Variants in SEC11A observed in about 807,000 individuals in gnomAD.
SEC11A encodes the protein SEC11 homolog A, signal peptidase complex subunit.
SEC11A carries 14 observed loss-of-function variants against 25.6 expected under a neutral mutation model. That is an observed-to-expected ratio of 0.55 (90% CI 0.36 to 0.85). SEC11A has a LOEUF of 0.85. Ranked by LOEUF, SEC11A falls within the 40% of genes least tolerant of loss-of-function variation. The pLI, the probability that SEC11A is intolerant of heterozygous loss-of-function variation, is 0.01. For missense variants in SEC11A, 153 were observed against 222.9 expected, an observed-to-expected ratio of 0.69 and a Z score of 2.00; for synonymous variants, 83 against 76.4, an observed-to-expected ratio of 1.09 and a Z score of -0.45.
At chr15:84,685,689 G>A (rs1263911385) in intron 3 of SEC11A, among the ~76,000 whole-genome samples, 2 of 151,692 alleles carry the variant, frequency 1.3e-5, no homozygotes, top group Admixed American at 1.3e-4. Context: ...AGTTGGTTCA[G>A]CTTTGTTCAC....
chr15:84,698,024 G>T (rs1322617281), intron 1 of SEC11A, among the ~76,000 whole-genome samples: 1 of 152,032 alleles, frequency 6.6e-6, no homozygotes, highest in Non-Finnish European at 1.5e-5. Flanking sequence ...TTTTTAGGAA[G>T]TATTGTGTAG....
chr15:84,687,103 C>T (rs1424607314), intron 3 of SEC11A, among the ~76,000 whole-genome samples: 1 of 152,084 alleles, frequency 6.6e-6, no homozygotes, highest in Admixed American at 6.6e-5. Context: ...AACTCCTGAC[C>T]TCAGGTGATC....
chr15:84,671,473 A>G (rs941097964), intron 4 of SEC11A: 1 of 152,128 alleles, frequency 6.6e-6, no homozygotes, highest in Non-Finnish European at 1.5e-5. Context: ...TGGCTGCTAC[A>G]CTTTCTTTTC....
intron 1 of SEC11A, among the ~76,000 whole-genome samples, chr15:84,694,642 T>G (rs923763619): frequency 1.3e-5 from 2 of 152,100 alleles, no homozygotes; most frequent in Non-Finnish European, 2.9e-5. Flanking sequence ...ACTTTCATAC[T>G]AGGGTGTTAA....
intron 4 of SEC11A, among the ~76,000 whole-genome samples, chr15:84,674,385 G>C (rs989739154): frequency 6.6e-6 from 1 of 152,012 alleles, no homozygotes; most frequent in Admixed American, 6.6e-5. Flanking sequence ...AAAAGCATCT[G>C]TGATTTCTAC....
At chr15:84,696,508 T>C (rs1567040836) in intron 1 of SEC11A, among the ~76,000 whole-genome samples, 1 of 152,186 alleles carries the variant, frequency 6.6e-6, no homozygotes, top group Admixed American at 6.6e-5. Flanking sequence ...TGGGCCCTAA[T>C]TCAGAACCTC....
At chr15:84,680,112 A>G (rs1051845038) in intron 4 of SEC11A, 6 of 514,712 alleles carry the variant, frequency 1.2e-5, no homozygotes, top group Admixed American at 3.5e-5. Context: ...CTTCTTAAGA[A>G]ATATAAATAT....
chr15:84,682,851 T>C (rs1221396979), intron 3 of SEC11A, among the ~76,000 whole-genome samples: 1 of 152,242 alleles, frequency 6.6e-6, no homozygotes, highest in African/African-American at 2.4e-5. Context: ...AAGTATATTT[T>C]ACAGTTGATA....
intron 1 of SEC11A, among the ~76,000 whole-genome samples, chr15:84,693,067 C>A (rs1470278076): frequency 1.3e-5 from 2 of 152,160 alleles, no homozygotes; most frequent in East Asian, 3.8e-4. Context: ...AAGCAATCCG[C>A]CTACTTCAGC....
intron 1 of SEC11A, among the ~76,000 whole-genome samples, chr15:84,697,946 T>A (rs1897815617): frequency 6.6e-6 from 1 of 152,000 alleles, no homozygotes; most frequent in Non-Finnish European, 1.5e-5. Context: ...AAGAATGATA[T>A]CAAAGTTCTA....
At position 84,669,995 on chromosome 15, in the gene SEC11A, C is replaced by G. The variant is rs1204938767; in HGVS notation, c.*24G>C. 3 of 1,613,516 alleles carry G rather than the reference C, an allele frequency of 1.9e-6. No homozygotes were observed. The highest frequency in any genetic ancestry group is 2.5e-6 in the Non-Finnish European group (3 of 1,179,760). On this transcript the variant is annotated 3_prime_UTR_variant, in exon 6 of 6. Coordinates refer to ENST00000268220, the MANE Select transcript of SEC11A (RefSeq NM_014300.4). ...CCAGTAACGAAAACTATGGCATCTT[C>G]CCAGGAACAGCAAGGCAGGCTTCTT...
At chr15:84,683,054 C>G (rs1897320433) in intron 3 of SEC11A, among the ~76,000 whole-genome samples, 2 of 151,736 alleles carry the variant, frequency 1.3e-5, no homozygotes, top group South Asian at 4.2e-4. Flanking sequence ...TAAGTGCAAA[C>G]AGTCACATTA....
rs142349820 is a variant in SEC11A, at chr15:84,683,515, T to G, written c.312-2683A>C. On this transcript the variant is annotated intron_variant, in intron 3 of 5. Coordinates refer to ENST00000268220, the MANE Select transcript of SEC11A (RefSeq NM_014300.4). ...AAAGCATAGATATTCTTCATCTACT[T>G]AGTGAAACAAATATTCTCTGGTGGC... 2.0e-5 allele frequency among the ~76,000 whole-genome samples: 3 copies of G among 152,258 alleles called. No homozygotes were observed. The East Asian group carries it at 5.8e-4, about 29-fold the overall frequency.
intron 1 of SEC11A, among the ~76,000 whole-genome samples, chr15:84,711,781 CAAAA>C (rs60088964): frequency 1.4e-4 from 13 of 93,088 alleles, no homozygotes; most frequent in Admixed American, 3.3e-4. Context: ...GACTCTATCT[CAAAA>C]AAAAAAAAAA....
chr15:84,670,544 AT>A (rs745508199), intron 5 of SEC11A, 180 bp downstream of exon 5: 46,949 of 319,042 alleles, frequency 0.15, 1 homozygote, highest in East Asian at 0.19. Context: ...CAGGCTAATA[AT>A]TTTTTTTTTT....
intron 3 of SEC11A, 97 bp from the exon 4 acceptor site, chr15:84,680,929 G>A: frequency 1.9e-6 from 2 of 1,044,376 alleles, no homozygotes; most frequent in Non-Finnish European, 2.7e-6. Context: ...GTGGCACTGG[G>A]GTATCTTTTC....
Position 84,669,882 on chromosome 15 carries a change from T to TAAACTAATGCAAAC in SEC11A, c.*123_*136dup. Reference sequence around the variant, plus strand: ...CCACACAAACTCTGGCATGGAAACATAAACTAATGCAAACCAGTGCTACCC... The same window carrying TAAACTAATGCAAAC: ...CCACACAAACTCTGGCATGGAAACATAAACTAATGCAAACAAACTAATGCAAACCAGTGCTACCC... On this transcript the variant is annotated 3_prime_UTR_variant, in exon 6 of 6. Coordinates refer to ENST00000268220, the MANE Select transcript of SEC11A (RefSeq NM_014300.4). 6.6e-7 allele frequency: 1 copy of TAAACTAATGCAAAC among 1,525,542 alleles called. No homozygotes were observed. The allele number at this position is 1,525,542 out of a possible 1,614,324, so 94.5% of individuals were successfully genotyped here. A position where few individuals can be genotyped will look rare whatever the true frequency, so the allele number is the denominator to read the frequency against.
intron 2 of SEC11A, among the ~76,000 whole-genome samples, chr15:84,689,614 T>C (rs978435992): frequency 3.3e-5 from 5 of 150,516 alleles, no homozygotes; most frequent in African/African-American, 7.3e-5. Context: ...TCTTTCTTTT[T>C]TTTTTTTTTT....
chr15:84,708,036 C>T (rs1467731295), intron 1 of SEC11A, among the ~76,000 whole-genome samples: 2 of 151,540 alleles, frequency 1.3e-5, no homozygotes, highest in African/African-American at 4.8e-5. Flanking sequence ...GGTGAAACCC[C>T]GTCTTTACTA....
Sources: allele counts gnomAD v4.1 joint callset (sites outside exome capture counted in the v4.1 genomes callset), GRCh38; gene constraint gnomAD v4.1.1; transcripts MANE v1.5; gene names NCBI Gene and HGNC (gene_info 2026-07-23, HGNC 2026-07-21).